RANBP2: variants seen among roughly 807,000 people sequenced by gnomAD.
The protein encoded by RANBP2 is RAN binding protein 2.
RANBP2 carries 57 observed loss-of-function variants against 303.6 expected under a neutral mutation model. The observed-to-expected ratio is 0.19, with a 90% CI of 0.15 to 0.23. The LOEUF (loss-of-function observed/expected upper bound fraction) is 0.23, where lower values mean the gene tolerates loss of function less well. RANBP2 is among the 10% of genes least tolerant of loss of function. RANBP2 has a pLI of 1.00. For synonymous variants in RANBP2, 1,167 were observed against 1,301.5 expected, an observed-to-expected ratio of 0.90 and a Z score of 2.23; for missense variants, 3,138 against 3,780.8, an observed-to-expected ratio of 0.83 and a Z score of 4.46.
the RANBP2 span, among the ~76,000 whole-genome samples, chr2:108,858,345 AAAAC>A: frequency 2.1e-4 from 32 of 151,934 alleles, no homozygotes; most frequent in South Asian, 4.1e-4. Context: ...CTCCGTCTCA[AAAAC>A]AAACAAACAA....
At chr2:108,969,705 T>TA in the RANBP2 span, among the ~76,000 whole-genome samples, 1 of 152,200 alleles carries the variant, frequency 6.6e-6, no homozygotes, top group Non-Finnish European at 1.5e-5. Context: ...ATCTCAGTGC[T>TA]GAAAGAAATA....
chr2:109,474,993 T>G, the RANBP2 span, among the ~76,000 whole-genome samples: 15 of 152,154 alleles, frequency 9.9e-5, no homozygotes, highest in South Asian at 2.1e-4. Flanking sequence ...TTGTTTGTTT[T>G]TTTGAGACGG....
At chr2:109,252,129 A>G in the RANBP2 span, among the ~76,000 whole-genome samples, 1 of 152,088 alleles carries the variant, frequency 6.6e-6, no homozygotes, top group Non-Finnish European at 1.5e-5. Flanking sequence ...CTATAGTCTC[A>G]GCTACTCAGG....
the RANBP2 span, among the ~76,000 whole-genome samples, chr2:109,413,652 C>T: frequency 6.6e-6 from 1 of 152,216 alleles, no homozygotes; most frequent in Admixed American, 6.5e-5. Flanking sequence ...CCCCACATTC[C>T]CCTCCCTATT....
chr2:108,974,524 G>A, the RANBP2 span, among the ~76,000 whole-genome samples: 1 of 151,630 alleles, frequency 6.6e-6, no homozygotes, highest in East Asian at 2.0e-4. Context: ...CAGGTCAGGA[G>A]TTGGAGACCA....
the RANBP2 span, chr2:108,846,746 T>A: frequency 1.2e-6 from 2 of 1,608,084 alleles, no homozygotes; most frequent in Non-Finnish European, 1.7e-6. Flanking sequence ...AGCACTCGAC[T>A]ATGACATCAA....
the RANBP2 span, among the ~76,000 whole-genome samples, chr2:108,791,069 A>G: frequency 2.2e-4 from 34 of 152,148 alleles, no homozygotes; most frequent in African/African-American, 8.0e-4. Context: ...TTCTATCCTA[A>G]TAATTTTTAA....
chr2:109,413,223 T>C, the RANBP2 span, among the ~76,000 whole-genome samples: 4 of 152,218 alleles, frequency 2.6e-5, no homozygotes, highest in Non-Finnish European at 5.9e-5. Context: ...CAAACGATTC[T>C]CCTGCCTGAG....
the RANBP2 span, among the ~76,000 whole-genome samples, chr2:109,364,510 T>G: frequency 1.3e-5 from 2 of 152,146 alleles, no homozygotes; most frequent in Non-Finnish European, 2.9e-5. Context: ...AACTGTGGGG[T>G]TTTTTGCCTT....
chr2:109,361,157 G>T, the RANBP2 span, among the ~76,000 whole-genome samples: 843 of 152,278 alleles, frequency 5.5e-3, 5 homozygotes, highest in African/African-American at 0.018. Context: ...AGCCAGCCTT[G>T]CATACCTGGG....
At chr2:109,338,531 C>T in the RANBP2 span, among the ~76,000 whole-genome samples, 28 of 152,198 alleles carry the variant, frequency 1.8e-4, no homozygotes, top group East Asian at 3.1e-3. Context: ...CAACAACCCC[C>T]GGCACAGTCA....
chr2:108,904,929 T>C, the RANBP2 span, among the ~76,000 whole-genome samples: 1 of 152,218 alleles, frequency 6.6e-6, no homozygotes, highest in Non-Finnish European at 1.5e-5. Context: ...CTTCTGTGTA[T>C]AGTTTTGCAA....
chr2:109,615,852 G>A, the RANBP2 span: 1 of 1,614,066 alleles, frequency 6.2e-7, no homozygotes. Flanking sequence ...CAAAGCCAAG[G>A]ATCCAGGGCG....
the RANBP2 span, among the ~76,000 whole-genome samples, chr2:109,076,036 C>T: frequency 1.3e-5 from 2 of 150,180 alleles, no homozygotes; most frequent in Non-Finnish European, 3.0e-5. Flanking sequence ...TGCAAAAATC[C>T]TCAATAAAAT....
the RANBP2 span, among the ~76,000 whole-genome samples, chr2:109,561,573 T>G: frequency 6.6e-6 from 1 of 152,202 alleles, no homozygotes; most frequent in Non-Finnish European, 1.5e-5. Context: ...CAGCCCTAAC[T>G]TCTCCCTAGC....
At chr2:108,886,623 A>G in the RANBP2 span, among the ~76,000 whole-genome samples, 75 of 151,994 alleles carry the variant, frequency 4.9e-4, no homozygotes, top group East Asian at 0.013. Flanking sequence ...TGCATTAGCC[A>G]GGATGGTCTC....
the RANBP2 span, among the ~76,000 whole-genome samples, chr2:109,396,578 A>C: frequency 6.6e-6 from 1 of 152,092 alleles, no homozygotes. Flanking sequence ...TTGTTTTTTT[A>C]ACTCATCAAG....
chr2:109,747,519 C>T, the RANBP2 span, among the ~76,000 whole-genome samples: 2 of 148,094 alleles, frequency 1.4e-5, no homozygotes, highest in African/African-American at 2.5e-5. Context: ...TTTGCGGGGC[C>T]GAGGTGGGCA....
the RANBP2 span, among the ~76,000 whole-genome samples, chr2:109,512,911 C>A: frequency 6.6e-6 from 1 of 152,238 alleles, no homozygotes; most frequent in African/African-American, 2.4e-5. Flanking sequence ...TTGGCCATTG[C>A]CATGGCAACC....
Sources: allele counts gnomAD v4.1 joint callset (sites outside exome capture counted in the v4.1 genomes callset), GRCh38; gene constraint gnomAD v4.1.1; transcripts MANE v1.5; gene names NCBI Gene and HGNC (gene_info 2026-07-23, HGNC 2026-07-21).